Variants in ATXN10 observed in about 807,000 individuals in gnomAD.
ATXN10 encodes the protein ataxin 10.
Under a neutral mutation model 52.9 loss-of-function variants are expected in ATXN10, and 28 were observed. That is an observed-to-expected ratio of 0.53 (90% CI 0.39 to 0.73). ATXN10 has a LOEUF of 0.73. Among genes scored for constraint, ATXN10 ranks in the 30% least tolerant of loss-of-function variants. The pLI is 0.00. For missense variants in ATXN10, 565 were observed against 577.0 expected (o/e 0.98, Z 0.21); for synonymous variants, 226 against 221.5 (o/e 1.02, Z -0.18).
At chr22:45,719,662 A>G (rs1924575314) in intron 6 of ATXN10, among the ~76,000 whole-genome samples, 1 of 152,076 alleles carries the variant, frequency 6.6e-6, no homozygotes, top group East Asian at 1.9e-4. Context: ...AAAATTATCT[A>G]TTTTTAAATG....
chr22:45,751,390 A>G (rs1385215572), intron 9 of ATXN10, among the ~76,000 whole-genome samples: 1 of 151,960 alleles, frequency 6.6e-6, no homozygotes, highest in Non-Finnish European at 1.5e-5. Flanking sequence ...TGAGATAATT[A>G]ATAGCTGGGC....
chr22:45,734,880 A>ATTATTAT (rs1371689249), intron 7 of ATXN10, among the ~76,000 whole-genome samples: 1 of 148,146 alleles, frequency 6.8e-6, no homozygotes, highest in Non-Finnish European at 1.5e-5. Flanking sequence ...TATTATTATT[A>ATTATTAT]TTATTATTAT....
intron 9 of ATXN10, among the ~76,000 whole-genome samples, chr22:45,788,431 T>A (rs1927392862): frequency 6.6e-6 from 1 of 151,334 alleles, no homozygotes; most frequent in African/African-American, 2.4e-5. Context: ...AGTTAGTGTC[T>A]GATCTACCTT....
intron 10 of ATXN10, among the ~76,000 whole-genome samples, chr22:45,821,367 A>G (rs1392615076): frequency 6.6e-6 from 1 of 150,728 alleles, no homozygotes; most frequent in Non-Finnish European, 1.5e-5. Context: ...AAAAAAAAAA[A>G]CGAACCTAGC....
At chr22:45,719,602 A>G (rs999881482) in intron 6 of ATXN10, among the ~76,000 whole-genome samples, 10 of 152,146 alleles carry the variant, frequency 6.6e-5, no homozygotes, top group Non-Finnish European at 8.8e-5. Context: ...GGAAGAATGC[A>G]CAGTTTAATT....
intron 10 of ATXN10, among the ~76,000 whole-genome samples, chr22:45,830,198 C>T (rs577281310): frequency 3.9e-4 from 59 of 152,256 alleles, no homozygotes; most frequent in African/African-American, 1.3e-3. Context: ...CCTTACTTAA[C>T]GTCATATACA....
rs577233288 is a variant in ATXN10 at position 45,833,253 on chromosome 22, C to A, written c.1238-9738C>A. Among the ~76,000 whole-genome samples, 1 of 152,178 alleles carries A rather than the reference C, an allele frequency of 6.6e-6. No individual in the cohort carries two copies. Among genetic ancestry groups the A allele is most frequent in the Non-Finnish European group, 1.5e-5 (1 of 68,036 alleles). ...GCAAGCCCTCCCCACCCTTGACCAC[C>A]GACTTCCTGGGAGCTGCTGAAGGCG... On this transcript the variant is annotated intron_variant, in intron 10 of 11. Transcript: ENST00000252934. This position sits in a 1 kb window ranked among gnomAD's most constrained non-coding sequence, Gnocchi z 4.3.
intron 1 of ATXN10, among the ~76,000 whole-genome samples, chr22:45,687,925 C>T (rs1437851352): frequency 2.6e-5 from 4 of 151,998 alleles, no homozygotes; most frequent in East Asian, 1.9e-4. Flanking sequence ...GGCGTGGTGG[C>T]GTGTGCCTGT....
In ATXN10 at chr22:45,783,808, GA is replaced by G. The variant is rs1216798629; in HGVS notation, c.1174-23146del. 1.3e-5 allele frequency among the ~76,000 whole-genome samples: 2 copies of G among 152,306 alleles called. No homozygotes were observed. Among genetic ancestry groups the G allele is most frequent in the South Asian group, 2.1e-4 (1 of 4,822 alleles). On this transcript the variant is annotated intron_variant, in intron 9 of 11. Transcript: ENST00000252934. This position sits in a 1 kb window ranked among gnomAD's most constrained non-coding sequence, Gnocchi z 5.0. ...TTAGCACACAGAGAAATAGGTCTTG[GA>G]AAAAGGACCTGAAAGTGCTGTTGTC... is the stretch of plus-strand genomic sequence containing the variant.
In ATXN10 at chr22:45,787,033, TA is replaced by T. The variant is rs1299895047; in HGVS notation, c.1174-19925del. Among the ~76,000 whole-genome samples the T allele has an allele frequency of 6.6e-6, 1 of 152,204 alleles. No individual in the cohort carries two copies. Among genetic ancestry groups the T allele is most frequent in the East Asian group, 1.9e-4 (1 of 5,198 alleles). On this transcript the variant is annotated intron_variant, in intron 9 of 11. Coordinates refer to ENST00000252934, the MANE Select transcript of ATXN10 (RefSeq NM_013236.4). The surrounding 1 kb of genome is among the most constrained non-coding windows in gnomAD (Gnocchi z 4.2). ...AAATGTCCTGAAATGTTCAGTAAAT[TA>T]TGGTAGGTTATAGTGACTGAATAGA...
rs571407477 is a variant in ATXN10, at chr22:45,824,367, A to T, written c.1237+17345A>T. Among the ~76,000 whole-genome samples, 2 of 152,062 alleles carry T rather than the reference A, an allele frequency of 1.3e-5. No homozygotes were observed. The highest frequency in any genetic ancestry group is 2.9e-5 in the Non-Finnish European group (2 of 67,968). On this transcript the variant is annotated intron_variant, in intron 10 of 11. Transcript: ENST00000252934. This position sits in a 1 kb window ranked among gnomAD's most constrained non-coding sequence, Gnocchi z 5.2. ...TTTAAGGCCCCCTTTTTATTGTTTC[A>T]CCTTATCCTGTAATTTAACATTGTA...
At position 45,763,541 on chromosome 22, in the gene ATXN10, G is replaced by C. The variant is rs1380322316; in HGVS notation, c.1173+23003G>C. Among the ~76,000 whole-genome samples, 1 of 152,106 alleles carries C rather than the reference G, an allele frequency of 6.6e-6. No homozygotes were observed. Among genetic ancestry groups the C allele is most frequent in the Admixed American group, 6.5e-5 (1 of 15,268 alleles). On this transcript the variant is annotated intron_variant, in intron 9 of 11. Transcript: ENST00000252934. The surrounding 1 kb of genome is among the most constrained non-coding windows in gnomAD (Gnocchi z 6.9). The stretch of plus-strand genomic sequence containing the variant: ...TCAGGTGTTTGCTCATCTCCTCACA[G>C]GTCTTTCCTGCCCCCTACCTGTTAA...
At position 45,762,966 on chromosome 22, in the gene ATXN10, C is replaced by T. The variant is rs1040845014; in HGVS notation, c.1173+22428C>T. Reference sequence around the variant, plus strand: ...GAGTCTCAGGCTCTACCCCAGCATCCGGAATCAGACCATCCTCAGGGGATT... The same window carrying T: ...GAGTCTCAGGCTCTACCCCAGCATCTGGAATCAGACCATCCTCAGGGGATT... On this transcript the variant is annotated intron_variant, in intron 9 of 11. Coordinates refer to ENST00000252934, the MANE Select transcript of ATXN10 (RefSeq NM_013236.4). This position sits in a 1 kb window ranked among gnomAD's most constrained non-coding sequence, Gnocchi z 4.3. Among the ~76,000 whole-genome samples the T allele has an allele frequency of 6.6e-6, 1 of 152,226 alleles. No individual in the cohort carries two copies. Among genetic ancestry groups the T allele is most frequent in the Non-Finnish European group, 1.5e-5 (1 of 68,040 alleles).
At position 45,711,351 on chromosome 22, in the gene ATXN10, G is replaced by C. The variant is rs557164966; in HGVS notation, c.648-7062G>C. On this transcript the variant is annotated intron_variant, in intron 5 of 11. Coordinates refer to ENST00000252934, the MANE Select transcript of ATXN10 (RefSeq NM_013236.4). ...AATTACAGAAATGGAGAACGGATTA[G>C]TGGTTGTCGGGGATTGAGGAAGGAT... Among the ~76,000 whole-genome samples, 9 of 152,294 alleles carry C rather than the reference G, an allele frequency of 5.9e-5. No homozygotes were observed. In the South Asian group the frequency reaches 1.9e-3, roughly 32 times the overall value.
Position 45,786,885 on chromosome 22 carries a change from G to A in ATXN10, c.1174-20074G>A, listed in dbSNP as rs1254961662. ...CTCAAAGACACTCAAAGATGGTTTT[G>A]TTTTGTTTTTGTCCAGTAATTCTTT... On this transcript the variant is annotated intron_variant, in intron 9 of 11. Transcript: ENST00000252934. The surrounding 1 kb of genome is among the most constrained non-coding windows in gnomAD (Gnocchi z 4.1). Among the ~76,000 whole-genome samples the A allele has an allele frequency of 6.6e-6, 1 of 152,120 alleles. No individual in the cohort carries two copies. The highest frequency in any genetic ancestry group is 2.4e-5 in the African/African-American group (1 of 41,420).
chr22:45,731,594 A>C (rs1349473964), intron 7 of ATXN10, among the ~76,000 whole-genome samples: 2 of 152,200 alleles, frequency 1.3e-5, no homozygotes, highest in African/African-American at 4.8e-5. Context: ...GCAACACTGG[A>C]GGAGAGGGAT....
chr22:45,774,124 G>A lies in ATXN10; in HGVS notation c.1174-32835G>A, dbSNP rs1446110685. 3.9e-5 allele frequency among the ~76,000 whole-genome samples: 6 copies of A among 152,228 alleles called. No individual in the cohort carries two copies. The highest frequency in any genetic ancestry group is 9.6e-5 in the African/African-American group (4 of 41,454). On this transcript the variant is annotated intron_variant, in intron 9 of 11. Coordinates refer to ENST00000252934, the MANE Select transcript of ATXN10 (RefSeq NM_013236.4). This position sits in a 1 kb window ranked among gnomAD's most constrained non-coding sequence, Gnocchi z 6.2. The stretch of plus-strand genomic sequence containing the variant: ...ACCATTTCAGCATGTGCATGTGTGC[G>A]CTGGCACTCTGGGAAGTACTGTGAC...
rs1924521791 is a variant in ATXN10 at position 45,718,332 on chromosome 22, G to T, written c.648-81G>T. ...TGAAAAGAAATGCTTTTGTGTGTAA[G>T]TGGTGCCTATAAAGTAGATAAGGGC... On this transcript the variant is annotated intron_variant, in intron 5 of 11. Transcript: ENST00000252934. The surrounding 1 kb of genome is among the most constrained non-coding windows in gnomAD (Gnocchi z 4.4). 2 of 999,338 alleles carry T rather than the reference G, an allele frequency of 2.0e-6. No homozygotes were observed. The highest frequency in any genetic ancestry group is 3.2e-6 in the Non-Finnish European group (2 of 620,220). 61.9% of individuals were successfully genotyped at this position (999,338 alleles called of 1,614,324 possible).
At chr22:45,704,484 A>G (rs898857396) in intron 5 of ATXN10, among the ~76,000 whole-genome samples, 9 of 152,070 alleles carry the variant, frequency 5.9e-5, no homozygotes, top group Non-Finnish European at 1.2e-4. Flanking sequence ...TTTTTAGTCT[A>G]TGAGTTTTGG....
Sources: gnomAD v4.1 joint callset for allele counts (sites outside exome capture counted in the v4.1 genomes callset) on GRCh38, gnomAD v4.1.1 for gene constraint, Gnocchi (gnomAD v3.1) non-coding constraint, MANE v1.5 for transcripts, NCBI Gene and HGNC (gene_info 2026-07-23, HGNC 2026-07-21) for gene names.